The following ENO2 variants were observed in gnomAD, a reference collection of about 807,000 sequenced individuals.
ENO2 encodes the protein enolase 2, also known as gamma-enolase.
A neutral mutation model predicts 48.7 loss-of-function variants in ENO2; 19 were observed. That is an observed-to-expected ratio of 0.39 (90% confidence interval 0.27 to 0.57). The LOEUF (loss-of-function observed/expected upper bound fraction) is 0.57, where lower values mean the gene tolerates loss of function less well. Among genes scored for constraint, ENO2 ranks in the 20% least tolerant of loss-of-function variants. ENO2 has a pLI of 0.58. For missense variants in ENO2, 416 were observed against 555.0 expected, an observed-to-expected ratio of 0.75 and a Z score of 2.52; for synonymous variants, 198 against 213.4, an observed-to-expected ratio of 0.93 and a Z score of 0.63.
rs1456930771 is a variant in ENO2 at position 6,923,253 on chromosome 12, G to A, written c.*453G>A. ...AGTGCTGGGATGGAGGGGAGTGTTGGGCATGTGATCACGCCTGGCTAATAA... is the reference window on the plus strand; with the variant it reads ...AGTGCTGGGATGGAGGGGAGTGTTGAGCATGTGATCACGCCTGGCTAATAA... On this transcript the variant is annotated 3_prime_UTR_variant, in exon 12 of 12. Transcript: ENST00000229277. 3 of 158,180 alleles carry A rather than the reference G, an allele frequency of 1.9e-5. No individual in the cohort carries two copies. Among genetic ancestry groups the A allele is most frequent in the African/African-American group, 7.2e-5 (3 of 41,542 alleles). The allele number at this position is 158,180 out of a possible 1,614,324, so 9.8% of individuals were successfully genotyped here.
At chr12:6,915,611 T>G in intron 1 of ENO2, 2 of 550,858 alleles carry the variant, frequency 3.6e-6, no homozygotes, top group Non-Finnish European at 6.6e-6. Context: ...GACCTCCCCT[T>G]CCTCACTGCA....
At position 6,917,654 on chromosome 12, in the gene ENO2, G is replaced by A. The variant is rs782082230; in HGVS notation, c.384G>A (p.Leu128=). The A allele has an allele frequency of 1.3e-6, 2 of 1,564,952 alleles. No homozygotes were observed. The highest frequency in any genetic ancestry group is 1.7e-6 in the Non-Finnish European group (2 of 1,150,104). ...AGGCAGGGGCAGCTGAGCGGGAACT[G>A]CCCCTGTATCGCCACATTGCTCAGC... The part of the protein sequence containing the change: ...VCKAGAAERE[L]PLYRHIAQLA... The change falls in exon 6 of 12, where the codon CTG becomes CTA. Residue 128 remains leucine, a synonymous_variant. Transcript: ENST00000229277.
At chr12:6,919,091 G>A (rs957394987) in intron 7 of ENO2, among the ~76,000 whole-genome samples, 8 of 150,348 alleles carry the variant, frequency 5.3e-5, no homozygotes, top group African/African-American at 4.9e-5. Flanking sequence ...TCCTGTCCCC[G>A]TCCCAACCTC....
Position 6,922,878 on chromosome 12 carries a change from C to G in ENO2, c.*78C>G. ...TGCTGTCCTGATCTGTGATAGTTCA[C>G]CCCCTGAGATCCCCTGAGCCCCAGG... On this transcript the variant is annotated 3_prime_UTR_variant, in exon 12 of 12. Coordinates refer to ENST00000229277, the MANE Select transcript of ENO2 (RefSeq NM_001975.3). The surrounding 1 kb of genome is among the most constrained non-coding windows in gnomAD (Gnocchi z 5.3). 1 of 1,535,306 alleles carries G rather than the reference C, an allele frequency of 6.5e-7. No homozygotes were observed. Among genetic ancestry groups the G allele is most frequent in the Non-Finnish European group, 9.0e-7 (1 of 1,112,724 alleles).
At position 6,917,684 on chromosome 12, in the gene ENO2, CG is replaced by C; in HGVS notation, c.417del (p.Asn140ThrfsTer13). On this transcript the variant is annotated frameshift_variant, in exon 6 of 12. Transcript: ENST00000229277. LOFTEE classifies it high-confidence loss of function. ...TGTATCGCCACATTGCTCAGCTGGCCGGGAACTCAGACCTCATCCTGCCTGT... is the reference window on the plus strand; with the variant it reads ...TGTATCGCCACATTGCTCAGCTGGCCGGAACTCAGACCTCATCCTGCCTGT... ...PLYRHIAQLA[G>X]NSDLILPVPA... 7.2e-7 allele frequency: 1 copy of C among 1,391,770 alleles called. No homozygotes were observed. Among genetic ancestry groups the C allele is most frequent in the Non-Finnish European group, 9.6e-7 (1 of 1,039,056 alleles). 86.2% of individuals were successfully genotyped at this position (1,391,770 alleles called of 1,614,324 possible).
chr12:6,917,255 GT>G, intron 5 of ENO2, 148 bp downstream of exon 5: 1 of 1,010,158 alleles, frequency 9.9e-7, no homozygotes, highest in Non-Finnish European at 1.4e-6. Context: ...GGGGAGATGA[GT>G]TTAGCTGCAG....
At position 6,922,975 on chromosome 12, in the gene ENO2, GC is replaced by G. The variant is rs2138191381; in HGVS notation, c.*178del. 1 of 633,626 alleles carries G rather than the reference GC, an allele frequency of 1.6e-6. No homozygotes were observed. The highest frequency in any genetic ancestry group is 1.8e-5 in the South Asian group (1 of 55,082). The allele number at this position is 633,626 out of a possible 1,614,324, so 39.3% of individuals were successfully genotyped here. On this transcript the variant is annotated 3_prime_UTR_variant, in exon 12 of 12. Coordinates refer to ENST00000229277, the MANE Select transcript of ENO2 (RefSeq NM_001975.3). This position sits in a 1 kb window ranked among gnomAD's most constrained non-coding sequence, Gnocchi z 5.3. ...ACCTGACCTCTTGCTGTCTCTGCTC[GC>G]CCTCCTTTCTGTGCCCTACTCATTG...
At chr12:6,918,186 A>G in intron 7 of ENO2, 24 bp downstream of exon 7, 1 of 1,611,940 alleles carries the variant, frequency 6.2e-7, no homozygotes, top group South Asian at 1.1e-5. Flanking sequence ...CCCCACTCCC[A>G]GCTCTAAGTC....
At chr12:6,917,343 G>A in intron 5 of ENO2, 2 of 701,016 alleles carry the variant, frequency 2.9e-6, no homozygotes, top group East Asian at 5.4e-5. Flanking sequence ...GAGAGAGTCT[G>A]TGGTCTCAGG....
rs2138187040 is a variant in ENO2, at chr12:6,919,576, G to C, written c.678G>C (p.Leu226=). 6.2e-7 allele frequency: 1 copy of C among 1,614,040 alleles called. No homozygotes were observed. The highest frequency in any genetic ancestry group is 8.5e-7 in the Non-Finnish European group (1 of 1,180,014). Residue 226 remains leucine (L), a synonymous_variant, in exon 8 of 12, where the codon CTG becomes CTC. Transcript: ENST00000229277. ...GTATTCTGTCCCCAGCCTTGGAGCTGGTGAAGGAAGCCATCGACAAGGCTG... is the reference window on the plus strand; with the variant it reads ...GTATTCTGTCCCCAGCCTTGGAGCTCGTGAAGGAAGCCATCGACAAGGCTG... ...NILENSEALE[L]VKEAIDKAGY...
Position 6,922,014 on chromosome 12 carries a change from C to T in ENO2, c.1068-42C>T. The T allele has an allele frequency of 1.2e-6, 2 of 1,609,774 alleles. No homozygotes were observed. The highest frequency in any genetic ancestry group is 1.7e-6 in the Non-Finnish European group (2 of 1,176,158). On this transcript the variant is annotated intron_variant, in intron 9 of 11. Coordinates refer to ENST00000229277, the MANE Select transcript of ENO2 (RefSeq NM_001975.3). The surrounding 1 kb of genome is among the most constrained non-coding windows in gnomAD (Gnocchi z 5.3). ...AAGGTTGGGGCTGGGAAGAGAGTGCCCAGTGTGAGAGCTGGAGAATCAGTG... is the reference window on the plus strand; with the variant it reads ...AAGGTTGGGGCTGGGAAGAGAGTGCTCAGTGTGAGAGCTGGAGAATCAGTG...
Position 6,919,723 on chromosome 12 carries a change from G to T in ENO2, c.825G>T (p.Gln275His). Reference protein sequence around the residue: ...TDPSRYITGDQLGALYQDFVR... With the variant: ...TDPSRYITGDHLGALYQDFVR... ...CTTCCCGATACATCACTGGGGACCA[G>T]CTGGGGGCACTCTACCAGGACTTTG... Residue 275 changes from glutamine to histidine, a missense_variant, in exon 8 of 12, where the codon CAG (glutamine) becomes CAT (histidine). Coordinates refer to ENST00000229277, the MANE Select transcript of ENO2 (RefSeq NM_001975.3). 1.9e-6 allele frequency: 3 copies of T among 1,614,052 alleles called. No individual in the cohort carries two copies. Among genetic ancestry groups the T allele is most frequent in the Non-Finnish European group, 2.5e-6 (3 of 1,180,026 alleles).
rs782123823 is a variant in ENO2 at position 6,921,684 on chromosome 12, C to T, written c.969C>T (p.Thr323=). ...IQIVGDDLTV[T]NPKRIERAVE... ...TTGTGGGTGATGACCTGACAGTGAC[C>T]AACCCAAAACGTATTGAGCGGGCAG... The change falls in exon 9 of 12, where the codon ACC becomes ACT. Residue 323 remains threonine, a synonymous_variant. Transcript: ENST00000229277. 8.7e-6 allele frequency: 14 copies of T among 1,614,134 alleles called. No individual in the cohort carries two copies. Among genetic ancestry groups the T allele is most frequent in the Non-Finnish European group, 1.1e-5 (13 of 1,180,030 alleles).
At chr12:6,918,510 C>G (rs1555141844) in intron 7 of ENO2, among the ~76,000 whole-genome samples, 1 of 151,724 alleles carries the variant, frequency 6.6e-6, no homozygotes, top group African/African-American at 2.4e-5. Flanking sequence ...GCCACCACGC[C>G]CGGCTAATTT....
At chr12:6,915,581 AC>A (rs371308657) in intron 1 of ENO2, 9 of 502,554 alleles carry the variant, frequency 1.8e-5, no homozygotes, top group African/African-American at 1.6e-4. Context: ...ATTTGATCTT[AC>A]CCCGCCCCCC....
intron 1 of ENO2, 25 bp from the exon 2 acceptor site, chr12:6,915,792 TTCTC>T (rs782649729): frequency 6.4e-7 from 1 of 1,559,506 alleles, no homozygotes; most frequent in Non-Finnish European, 8.7e-7. Flanking sequence ...CCTCTTATCT[TTCTC>T]CTTCCTTCCC....
rs1945306974 is a variant in ENO2, at chr12:6,917,934, C to A, written c.445-6C>A. 6.2e-6 allele frequency: 10 copies of A among 1,613,842 alleles called. No individual in the cohort carries two copies. The highest frequency in any genetic ancestry group is 8.5e-6 in the Non-Finnish European group (10 of 1,179,976). On this transcript the variant is annotated splice_region_variant and splice_polypyrimidine_tract_variant and intron_variant, in intron 6 of 11. Transcript: ENST00000229277. Reference sequence around the variant, plus strand: ...TTGACCCTTCTGTCTTTCTGTGGCTCCCCAGGCCTTCAACGTGATCAATGG... The same window carrying A: ...TTGACCCTTCTGTCTTTCTGTGGCTACCCAGGCCTTCAACGTGATCAATGG...
intron 5 of ENO2, 73 bp from the exon 6 acceptor site, chr12:6,917,508 A>T: frequency 6.5e-7 from 1 of 1,545,210 alleles, no homozygotes; most frequent in Non-Finnish European, 8.7e-7. Flanking sequence ...CCTTTTGGAG[A>T]CTACAGATGG....
chr12:6,917,218 G>A (rs781970148), intron 5 of ENO2, 111 bp downstream of exon 5: 1 of 1,346,314 alleles, frequency 7.4e-7, no homozygotes, highest in Non-Finnish European at 1.0e-6. Context: ...GACTGTCAGG[G>A]GCATTCTCCT....
Sources: allele counts gnomAD v4.1 joint callset (sites outside exome capture counted in the v4.1 genomes callset), GRCh38; gene constraint gnomAD v4.1.1; non-coding constraint Gnocchi (gnomAD v3.1); transcripts MANE v1.5; gene names NCBI Gene and HGNC (gene_info 2026-07-23, HGNC 2026-07-21).